HMGCS2: variants seen among roughly 807,000 people sequenced by gnomAD.
The protein encoded by HMGCS2 is hydroxymethylglutaryl-CoA synthase, mitochondrial.
A neutral mutation model predicts 57.4 loss-of-function variants in HMGCS2; 50 were observed. That is an observed-to-expected ratio of 0.87 (90% CI 0.69 to 1.10). The LOEUF is 1.10. Among genes scored for constraint, HMGCS2 ranks in the 50% least tolerant of loss-of-function variants. The pLI is 0.00. For synonymous variants in HMGCS2, 254 were observed against 245.1 expected (o/e 1.04, Z -0.34); for missense variants, 627 against 636.5 (o/e 0.99, Z 0.16).
At chr1:119,751,938 T>G (rs1652673365) in intron 8 of HMGCS2, among the ~76,000 whole-genome samples, 1 of 152,202 alleles carries the variant, frequency 6.6e-6, no homozygotes, top group Admixed American at 6.5e-5. Context: ...AACCACCAAC[T>G]AATCACTCTA....
At chr1:119,767,827 C>T (rs1653286098) in intron 1 of HMGCS2, among the ~76,000 whole-genome samples, 1 of 152,110 alleles carries the variant, frequency 6.6e-6, no homozygotes, top group Non-Finnish European at 1.5e-5. Context: ...CAGGTTAAAT[C>T]CTGAGCTGGG....
intron 6 of HMGCS2, 85 bp downstream of exon 6, chr1:119,755,342 A>G (rs1652797587): frequency 7.5e-7 from 1 of 1,329,182 alleles, no homozygotes; most frequent in Non-Finnish European, 1.1e-6. Flanking sequence ...GCCAAAAGAG[A>G]AACCCAACTT....
chr1:119,757,496 C>A (rs1216664625), intron 4 of HMGCS2, 58 bp from the exon 5 acceptor site: 5 of 1,612,644 alleles, frequency 3.1e-6, no homozygotes, highest in South Asian at 1.1e-5. Flanking sequence ...ATTTAGATAT[C>A]CTCCCTGAGA....
chr1:119,766,479 C>T (rs1203948443), intron 1 of HMGCS2, among the ~76,000 whole-genome samples: 1 of 152,200 alleles, frequency 6.6e-6, no homozygotes, highest in Non-Finnish European at 1.5e-5. Context: ...CTAAGGACAG[C>T]TGTGAGGCAA....
chr1:119,752,991 A>G (rs1321047143), intron 7 of HMGCS2, among the ~76,000 whole-genome samples: 1 of 152,190 alleles, frequency 6.6e-6, no homozygotes, highest in Non-Finnish European at 1.5e-5. Context: ...AGTTGCAATC[A>G]AACCACCATT....
At chr1:119,755,350 C>T in intron 6 of HMGCS2, 77 bp downstream of exon 6, 1 of 1,418,632 alleles carries the variant, frequency 7.0e-7, no homozygotes, top group South Asian at 1.2e-5. Context: ...AGAAACCCAA[C>T]TTTGTTGACC....
chr1:119,761,566 C>T (rs976821122), intron 2 of HMGCS2, among the ~76,000 whole-genome samples: 7 of 152,168 alleles, frequency 4.6e-5, no homozygotes, highest in Admixed American at 2.6e-4. Context: ...GAGATCAAGA[C>T]TATCCTGGCT....
intron 9 of HMGCS2, 129 bp downstream of exon 9, chr1:119,750,668 C>T (rs1652624174): frequency 7.1e-6 from 5 of 705,368 alleles, no homozygotes; most frequent in South Asian, 1.5e-5. Context: ...TCCCATTTCT[C>T]CTGTCACCCC....
intron 5 of HMGCS2, 68 bp from the exon 6 acceptor site, chr1:119,755,665 G>T: frequency 6.9e-7 from 1 of 1,454,794 alleles, no homozygotes; most frequent in Non-Finnish European, 9.7e-7. Flanking sequence ...AGGGGGAAAA[G>T]TAACAGCTTC....
At chr1:119,749,475 C>T (rs948289550) in intron 9 of HMGCS2, among the ~76,000 whole-genome samples, 2 of 150,810 alleles carry the variant, frequency 1.3e-5, no homozygotes, top group Non-Finnish European at 2.9e-5. Flanking sequence ...TTGCTACTGA[C>T]CTGCCCTTAA....
chr1:119,760,247 A>T (rs1448751832), intron 2 of HMGCS2, among the ~76,000 whole-genome samples: 2 of 152,206 alleles, frequency 1.3e-5, no homozygotes, highest in Admixed American at 6.5e-5. Flanking sequence ...AAATGTGTTA[A>T]TTCGCACTTT....
intron 8 of HMGCS2, among the ~76,000 whole-genome samples, chr1:119,752,202 A>G (rs1652682926): frequency 6.6e-6 from 1 of 152,228 alleles, no homozygotes; most frequent in Non-Finnish European, 1.5e-5. Context: ...GGCACAGCTC[A>G]GGGTTAGATT....
chr1:119,754,662 C>T (rs1250292300), intron 6 of HMGCS2, among the ~76,000 whole-genome samples: 1 of 152,184 alleles, frequency 6.6e-6, no homozygotes, highest in Admixed American at 6.5e-5. Flanking sequence ...TGATTGCACA[C>T]ATGCTACAGT....
intron 8 of HMGCS2, 48 bp downstream of exon 8, chr1:119,752,501 G>A (rs1341302199): frequency 6.2e-7 from 1 of 1,603,706 alleles, no homozygotes; most frequent in Admixed American, 1.7e-5. Flanking sequence ...CTGGCTCCCA[G>A]CTACTGGAAT....
chr1:119,760,666 G>A (rs758868390), intron 2 of HMGCS2, among the ~76,000 whole-genome samples: 1 of 152,104 alleles, frequency 6.6e-6, no homozygotes, highest in Non-Finnish European at 1.5e-5. Flanking sequence ...AATAATTGTG[G>A]TCTTGACTAT....
At chr1:119,757,949 C>T (rs1037857039) in intron 4 of HMGCS2, among the ~76,000 whole-genome samples, 5 of 152,210 alleles carry the variant, frequency 3.3e-5, no homozygotes, top group African/African-American at 1.2e-4. Flanking sequence ...AATTTAAATG[C>T]CACAAGAATT....
intron 1 of HMGCS2, among the ~76,000 whole-genome samples, chr1:119,768,273 C>T (rs1653306503): frequency 6.6e-6 from 1 of 152,210 alleles, no homozygotes; most frequent in African/African-American, 2.4e-5. Context: ...ACACATTTCC[C>T]CTTTTCATAA....
intron 9 of HMGCS2, among the ~76,000 whole-genome samples, chr1:119,749,267 G>A (rs866862690): frequency 6.6e-6 from 1 of 151,880 alleles, no homozygotes; most frequent in Non-Finnish European, 1.5e-5. Context: ...CTAAGCACTT[G>A]CAAGAAGCTT....
At chr1:119,755,728 C>T in intron 5 of HMGCS2, 131 bp from the exon 6 acceptor site, 1 of 852,460 alleles carries the variant, frequency 1.2e-6, no homozygotes, top group East Asian at 2.4e-5. Flanking sequence ...AAATACAGAA[C>T]AGTACAGAGG....
Sources: gnomAD v4.1 joint callset for allele counts (sites outside exome capture counted in the v4.1 genomes callset) on GRCh38, gnomAD v4.1.1 for gene constraint, MANE v1.5 for transcripts, NCBI Gene and HGNC (gene_info 2026-07-23, HGNC 2026-07-21) for gene names.